Variants in DAB1 observed in about 807,000 individuals in gnomAD.
DAB1 encodes DAB adaptor protein 1, also known as disabled homolog 1.
DAB1 carries 15 observed loss-of-function variants against 64.6 expected under a neutral mutation model. That is an observed-to-expected ratio of 0.23 (90% confidence interval 0.16 to 0.36). DAB1 has a LOEUF of 0.36. Among genes scored for constraint, DAB1 ranks in the 10% least tolerant of loss-of-function variants. The pLI, the probability that DAB1 is intolerant of heterozygous loss-of-function variation, is 1.00. For synonymous variants in DAB1, 235 were observed against 251.9 expected, an observed-to-expected ratio of 0.93 and a Z score of 0.64; for missense variants, 596 against 706.7, an observed-to-expected ratio of 0.84 and a Z score of 1.78.
chr1:57,511,218 C>T (rs1193098054), intron 7 of DAB1, among the ~76,000 whole-genome samples: 1 of 152,160 alleles, frequency 6.6e-6, no homozygotes, highest in Non-Finnish European at 1.5e-5. Flanking sequence ...ATGCATGAAA[C>T]CTATCCTGTT....
chr1:58,003,321 T>C (rs1053450244), intron 5 of DAB1, among the ~76,000 whole-genome samples: 1 of 152,202 alleles, frequency 6.6e-6, no homozygotes, highest in African/African-American at 2.4e-5. Context: ...TTTTGATGGC[T>C]TCTCTTTACT....
intron 7 of DAB1, among the ~76,000 whole-genome samples, chr1:57,444,731 A>G (rs1181434177): frequency 1.3e-5 from 2 of 152,200 alleles, no homozygotes; most frequent in Non-Finnish European, 2.9e-5. Flanking sequence ...GAACACCTGC[A>G]GCCACCAGAA....
At chr1:58,139,606 A>G (rs1654163863) in intron 5 of DAB1, among the ~76,000 whole-genome samples, 1 of 152,142 alleles carries the variant, frequency 6.6e-6, no homozygotes, top group Non-Finnish European at 1.5e-5. Context: ...AGAGAGGATT[A>G]TGGGAACTAC....
intron 3 of DAB1, among the ~76,000 whole-genome samples, chr1:58,358,836 T>A (rs1392576667): frequency 6.6e-6 from 1 of 151,994 alleles, no homozygotes; most frequent in Non-Finnish European, 1.5e-5. Flanking sequence ...TCTGTCTTTC[T>A]CTCTCACTCC....
intron 2 of DAB1, among the ~76,000 whole-genome samples, chr1:57,218,434 C>G (rs1666587776): frequency 1.4e-5 from 2 of 141,636 alleles, no homozygotes; most frequent in African/African-American, 5.4e-5. Flanking sequence ...CAATCCCAAA[C>G]TTTGGGAAGC....
At chr1:57,021,262 T>C (rs369711560) in intron 11 of DAB1, among the ~76,000 whole-genome samples, 3 of 152,248 alleles carry the variant, frequency 2.0e-5, no homozygotes, top group Admixed American at 1.3e-4. Flanking sequence ...TAGCTTCCAA[T>C]GTGGCTGGTT....
intron 1 of DAB1, among the ~76,000 whole-genome samples, chr1:57,347,735 A>G (rs1476072572): frequency 2.0e-5 from 3 of 152,232 alleles, no homozygotes; most frequent in Admixed American, 1.3e-4. Context: ...CTGAAATGGC[A>G]TAGCTAATCC....
chr1:57,220,204 G>A (rs539842198), intron 2 of DAB1, among the ~76,000 whole-genome samples: 1 of 152,294 alleles, frequency 6.6e-6, no homozygotes, highest in African/African-American at 2.4e-5. Context: ...GTCCTTTGAG[G>A]GGTTCATTTG....
chr1:58,021,184 G>C (rs1646809737), intron 5 of DAB1, among the ~76,000 whole-genome samples: 1 of 152,226 alleles, frequency 6.6e-6, no homozygotes, highest in Admixed American at 6.5e-5. Flanking sequence ...AGACTGGTTT[G>C]AACCCAGCAT....
In DAB1 at chr1:57,980,912, T is replaced by C. The variant is rs181811336; in HGVS notation, n.388-96750A>G. Among the ~76,000 whole-genome samples the C allele has an allele frequency of 9.5e-3, 1,421 of 149,704 alleles. 13 individuals are homozygous for C. Among genetic ancestry groups the C allele is most frequent in the Admixed American group, 0.017 (258 of 14,888 alleles). ...CTACATGTATATATGTATATATATA[T>C]ACACACACACACACACACATAGATA... On this transcript the variant is annotated intron_variant and non_coding_transcript_variant, in intron 5 of 20. Transcript: ENST00000485760.
intron 6 of DAB1, among the ~76,000 whole-genome samples, chr1:57,788,353 G>C (rs1201665151): frequency 1.3e-5 from 2 of 152,208 alleles, no homozygotes; most frequent in Non-Finnish European, 2.9e-5. Flanking sequence ...AAACAGGATT[G>C]TATGAGTGAT....
intron 4 of DAB1, among the ~76,000 whole-genome samples, chr1:58,341,293 G>GT (rs1425150239): frequency 6.6e-6 from 1 of 151,952 alleles, no homozygotes; most frequent in African/African-American, 2.4e-5. Context: ...CTCTGAAGCC[G>GT]TAACAGGAGG....
At chr1:58,031,811 T>C (rs997609469) in intron 5 of DAB1, among the ~76,000 whole-genome samples, 1 of 152,172 alleles carries the variant, frequency 6.6e-6, no homozygotes, top group Non-Finnish European at 1.5e-5. Context: ...CAGCCCAAAC[T>C]GAGCTGAGGA....
chr1:58,364,435 GA>G (rs1165220372), intron 3 of DAB1, among the ~76,000 whole-genome samples: 1 of 152,212 alleles, frequency 6.6e-6, no homozygotes. Context: ...TAATAACAGA[GA>G]AATGTGTTTT....
chr1:58,012,743 T>C (rs960313299), intron 5 of DAB1, among the ~76,000 whole-genome samples: 1 of 152,170 alleles, frequency 6.6e-6, no homozygotes, highest in Non-Finnish European at 1.5e-5. Flanking sequence ...ACAACATATC[T>C]TCCAGTGCCC....
Position 57,140,826 on chromosome 1 carries a change from C to T in DAB1, c.208-4185G>A, listed in dbSNP as rs534168029. On this transcript the variant is annotated intron_variant, in intron 3 of 14. Transcript: ENST00000371236. The stretch of plus-strand genomic sequence containing the variant: ...CATCCTCAAGGGAGTCACAAGTAGG[C>T]AGTATCTCGATGGAGGACGTTACAT... Among the ~76,000 whole-genome samples, 4 of 152,218 alleles carry T rather than the reference C, an allele frequency of 2.6e-5. No homozygotes were observed. The East Asian group carries it at 5.8e-4, about 22-fold the overall frequency.
chr1:57,339,455 G>A (rs1441349699), intron 1 of DAB1, among the ~76,000 whole-genome samples: 8 of 152,238 alleles, frequency 5.3e-5, no homozygotes, highest in South Asian at 4.1e-4. Flanking sequence ...GTGCCTGGCC[G>A]GCTTCTTTCT....
At chr1:57,599,947 A>T (rs1190517588) in intron 7 of DAB1, among the ~76,000 whole-genome samples, 2 of 152,090 alleles carry the variant, frequency 1.3e-5, no homozygotes, top group Non-Finnish European at 2.9e-5. Context: ...CTTTGCCAGG[A>T]GTGTTTGCTA....
At chr1:57,325,040 C>G (rs1473028189) in intron 1 of DAB1, among the ~76,000 whole-genome samples, 1 of 152,254 alleles carries the variant, frequency 6.6e-6, no homozygotes, top group Non-Finnish European at 1.5e-5. Flanking sequence ...AAATAAGCCA[C>G]ATGTATCCTG....
Sources: gnomAD v4.1 joint callset for allele counts (sites outside exome capture counted in the v4.1 genomes callset) on GRCh38, gnomAD v4.1.1 for gene constraint, MANE v1.5 for transcripts, NCBI Gene and HGNC (gene_info 2026-07-23, HGNC 2026-07-21) for gene names.